The following ZDHHC2 variants were observed in gnomAD, a reference collection of about 807,000 sequenced individuals.
ZDHHC2 encodes the protein palmitoyltransferase ZDHHC2.
A neutral mutation model predicts 55.6 loss-of-function variants in ZDHHC2; 51 were observed. The observed-to-expected ratio is 0.92, with a 90% CI of 0.73 to 1.16. The LOEUF (loss-of-function observed/expected upper bound fraction) is 1.16. Ranked by LOEUF, ZDHHC2 falls within the 50% of genes most tolerant of loss-of-function variation. The pLI, the probability that ZDHHC2 is intolerant of heterozygous loss-of-function variation, is 0.00. For synonymous variants in ZDHHC2, 199 were observed against 152.9 expected, an observed-to-expected ratio of 1.30 and a Z score of -2.22; for missense variants, 491 against 442.4, an observed-to-expected ratio of 1.11 and a Z score of -0.99.
chr8:17,186,255 G>A (rs758478926), intron 2 of ZDHHC2, 76 bp from the exon 3 acceptor site: 1 of 925,750 alleles, frequency 1.1e-6, no homozygotes, highest in South Asian at 1.6e-5. Context: ...TTTAAAACAA[G>A]CAGATCGGTT....
chr8:17,219,121 G>A (rs569519232), intron 12 of ZDHHC2, among the ~76,000 whole-genome samples: 147 of 151,490 alleles, frequency 9.7e-4, no homozygotes, highest in Non-Finnish European at 1.8e-3. Flanking sequence ...GTGGTGTGGC[G>A]CACCTGTAAT....
In ZDHHC2 at chr8:17,199,543, T is replaced by TTG. The variant is rs1563161284; in HGVS notation, c.476+1131_476+1132insGT. On this transcript the variant is annotated intron_variant, in intron 6 of 12. Transcript: ENST00000262096. ...TTCGTCTTCGTCTTCTGTCTTCGTC[T>TTG]TCTGTCTTCGTCTTCGTCTTCTTCG... Among the ~76,000 whole-genome samples, 27 of 37,666 alleles carry TTG rather than the reference T, an allele frequency of 7.2e-4. 1 individual carries two copies. Among genetic ancestry groups the TTG allele is most frequent in the African/African-American group, 2.5e-3 (26 of 10,612 alleles). The allele number at this position is 37,666 out of a possible 152,430, so 24.7% of individuals were successfully genotyped here.
intron 1 of ZDHHC2, among the ~76,000 whole-genome samples, chr8:17,172,797 G>C (rs1804926298): frequency 6.6e-6 from 1 of 151,984 alleles, no homozygotes; most frequent in East Asian, 1.9e-4. Flanking sequence ...CTTCTGCTTT[G>C]GATGGAGGTC....
chr8:17,186,353 T>C lies in ZDHHC2; in HGVS notation c.180T>C (p.His60=). Residue 60 remains histidine, a synonymous_variant, in exon 3 of 13, where the codon CAT becomes CAC. Transcript: ENST00000262096. ...TAGTTGTGTGCCTGATGGCCTATCA[T>C]CTACTTTTTGCAATGTTTGTCTGGT... ...GEQVVCLMAY[H]LLFAMFVWSY... is the part of the protein sequence containing the mutation. The C allele has an allele frequency of 6.3e-7, 1 of 1,597,468 alleles. No homozygotes were observed. The highest frequency in any genetic ancestry group is 8.5e-7 in the Non-Finnish European group (1 of 1,173,880).
intron 6 of ZDHHC2, among the ~76,000 whole-genome samples, chr8:17,200,466 T>C (rs1806697579): frequency 6.6e-6 from 1 of 152,228 alleles, no homozygotes; most frequent in South Asian, 2.1e-4. Flanking sequence ...CCAGATATAT[T>C]CAGCAGAGTG....
chr8:17,205,577 C>G (rs1807058228), intron 6 of ZDHHC2, 78 bp from the exon 7 acceptor site: 2 of 1,410,234 alleles, frequency 1.4e-6, no homozygotes, highest in Non-Finnish European at 9.3e-7. Flanking sequence ...TGAGAGGAAG[C>G]TAAACACTTG....
chr8:17,193,281 T>C (rs1008065245), intron 3 of ZDHHC2, among the ~76,000 whole-genome samples: 1 of 152,188 alleles, frequency 6.6e-6, no homozygotes, highest in Non-Finnish European at 1.5e-5. Context: ...TCTTACAGAC[T>C]GGTAGATGTG....
chr8:17,156,902 C>G (rs943997783), intron 1 of ZDHHC2, 49 bp downstream of exon 1: 17 of 1,460,188 alleles, frequency 1.2e-5, no homozygotes, highest in Middle Eastern at 1.8e-4. Context: ...CAGCCCACCC[C>G]GACTGTCCCG....
In ZDHHC2 at chr8:17,197,622, T is replaced by G; in HGVS notation, c.414T>G (p.Asp138Glu). Residue 138 changes from aspartate to glutamate, a missense_variant, in exon 5 of 13, where the codon GAT (aspartate) becomes GAG (glutamate). Physicochemically the swap from Asp to Glu is conservative, Grantham distance 45. Transcript: ENST00000262096. The stretch of plus-strand genomic sequence containing the variant: ...ACAGATGCCAACTTATAAAACCAGA[T>G]CGCTGCCATCACTGCTCCGTCTGTG... ...YCDRCQLIKP[D>E]RCHHCSVCDK... 6.2e-7 allele frequency: 1 copy of G among 1,613,844 alleles called. No homozygotes were observed. The highest frequency in any genetic ancestry group is 2.2e-5 in the East Asian group (1 of 44,870).
At chr8:17,198,158 A>C (rs1452907895) in intron 5 of ZDHHC2, among the ~76,000 whole-genome samples, 1 of 152,150 alleles carries the variant, frequency 6.6e-6, no homozygotes, top group Non-Finnish European at 1.5e-5. Context: ...TTTGCATCTT[A>C]AGCATGTATA....
intron 1 of ZDHHC2, among the ~76,000 whole-genome samples, chr8:17,182,996 A>G (rs948285563): frequency 6.6e-6 from 1 of 152,186 alleles, no homozygotes; most frequent in African/African-American, 2.4e-5. Context: ...TCTTGACCTC[A>G]GGTGATCCAC....
intron 6 of ZDHHC2, among the ~76,000 whole-genome samples, chr8:17,203,494 A>G (rs1167434447): frequency 6.6e-6 from 1 of 151,814 alleles, no homozygotes; most frequent in Non-Finnish European, 1.5e-5. Flanking sequence ...TCGGCCCCCT[A>G]AAGTGCTGGG....
chr8:17,216,264 G>C (rs561397832), intron 11 of ZDHHC2, among the ~76,000 whole-genome samples: 5 of 152,260 alleles, frequency 3.3e-5, no homozygotes, highest in Middle Eastern at 3.4e-3. Flanking sequence ...AGAAACCTCT[G>C]GGATTTAGTG....
At chr8:17,201,929 C>G (rs1001895574) in intron 6 of ZDHHC2, among the ~76,000 whole-genome samples, 1 of 152,160 alleles carries the variant, frequency 6.6e-6, no homozygotes. Context: ...GCTCTGGCCA[C>G]TTAAGATTAC....
chr8:17,222,266 T>C lies in ZDHHC2; in HGVS notation c.*2045T>C, dbSNP rs1489459349. ...GTGAATAACCTTTAAAGGGTTGTTT[T>C]GTTTTGTTTTGAATTATAGGAGTTA... On this transcript the variant is annotated 3_prime_UTR_variant, in exon 13 of 13. Coordinates refer to ENST00000262096, the MANE Select transcript of ZDHHC2 (RefSeq NM_016353.5). 6.6e-6 allele frequency: 1 copy of C among 151,780 alleles called. No individual in the cohort carries two copies. Among genetic ancestry groups the C allele is most frequent in the Non-Finnish European group, 1.5e-5 (1 of 67,770 alleles). 9.4% of individuals were successfully genotyped at this position (151,780 alleles called of 1,614,324 possible). A position where few individuals can be genotyped will look rare whatever the true frequency, so the allele number is the denominator to read the frequency against.
At chr8:17,190,348 T>C (rs529081271) in intron 3 of ZDHHC2, among the ~76,000 whole-genome samples, 9 of 152,212 alleles carry the variant, frequency 5.9e-5, no homozygotes, top group Admixed American at 3.9e-4. Context: ...TAGGGGAACA[T>C]GATCAAAAGA....
intron 3 of ZDHHC2, 34 bp from the exon 4 acceptor site, chr8:17,195,470 A>G: frequency 1.3e-6 from 2 of 1,586,520 alleles, no homozygotes; most frequent in Non-Finnish European, 1.7e-6. Context: ...AATTTCTTTG[A>G]AAATACTGAT....
At chr8:17,188,590 G>A (rs1282034173) in intron 3 of ZDHHC2, among the ~76,000 whole-genome samples, 1 of 152,076 alleles carries the variant, frequency 6.6e-6, no homozygotes, top group African/African-American at 2.4e-5. Flanking sequence ...CAAAGCATTG[G>A]AATGTTCCAG....
chr8:17,190,779 A>G (rs934303569), intron 3 of ZDHHC2, among the ~76,000 whole-genome samples: 54 of 152,058 alleles, frequency 3.6e-4, no homozygotes, highest in Admixed American at 3.4e-3. Context: ...TGATACAGGC[A>G]TGCAATGTGT....
Sources: allele counts gnomAD v4.1 joint callset (sites outside exome capture counted in the v4.1 genomes callset), GRCh38; gene constraint gnomAD v4.1.1; transcripts MANE v1.5; gene names NCBI Gene and HGNC (gene_info 2026-07-23, HGNC 2026-07-21).